Variants in PLOD3 observed in about 807,000 individuals in gnomAD.
PLOD3 encodes the protein multifunctional procollagen lysine hydroxylase and glycosyltransferase LH3.
In PLOD3, 73 loss-of-function variants were observed where a neutral mutation model predicts 96.9. That is an observed-to-expected ratio of 0.75 (90% confidence interval 0.62 to 0.92). PLOD3 has a LOEUF of 0.92. Ranked by LOEUF, PLOD3 falls within the 40% of genes least tolerant of loss-of-function variation. The pLI, the probability that PLOD3 is intolerant of heterozygous loss-of-function variation, is 0.00. For synonymous variants in PLOD3, 454 were observed against 413.7 expected (o/e 1.10, Z -1.18); for missense variants, 1,004 against 1,004.3 (o/e 1.00, Z 0.00).
In PLOD3 at chr7:101,217,522, G is replaced by A. The variant is rs1423352994; in HGVS notation, c.-248C>T. ...GCACGGGAGGCGGGGGAGGGGCGGCGGCTCGGGCCGGCGGGCGGGAGACAG... is the reference window on the plus strand; with the variant it reads ...GCACGGGAGGCGGGGGAGGGGCGGCAGCTCGGGCCGGCGGGCGGGAGACAG... On this transcript the variant is annotated 5_prime_UTR_variant, in exon 1 of 19. Transcript: ENST00000223127. 8.3e-6 allele frequency: 4 copies of A among 479,668 alleles called. No individual in the cohort carries two copies. Among genetic ancestry groups the A allele is most frequent in the East Asian group, 3.6e-5 (1 of 27,880 alleles). The allele number at this position is 479,668 out of a possible 1,614,324, so 29.7% of individuals were successfully genotyped here. A position where few individuals can be genotyped will look rare whatever the true frequency, so the allele number is the denominator to read the frequency against.
In PLOD3 at chr7:101,212,383, G is replaced by T. The variant is rs562549966; in HGVS notation, c.1006-9C>A. ...GGTTCATGGAAGACCTCCTGGGAGGGGAAGACATAGGGGGATGGGCTCAGA... is the reference window on the plus strand; with the variant it reads ...GGTTCATGGAAGACCTCCTGGGAGGTGAAGACATAGGGGGATGGGCTCAGA... On this transcript the variant is annotated splice_polypyrimidine_tract_variant and intron_variant, in intron 9 of 18. Coordinates refer to ENST00000223127, the MANE Select transcript of PLOD3 (RefSeq NM_001084.5). The T allele has an allele frequency of 1.2e-6, 2 of 1,613,264 alleles. No individual in the cohort carries two copies. Among genetic ancestry groups the T allele is most frequent in the African/African-American group, 2.7e-5 (2 of 75,006 alleles).
intron 18 of PLOD3, among the ~76,000 whole-genome samples, 157 bp downstream of exon 18, chr7:101,206,622 C>T (rs922033214): frequency 3.3e-5 from 5 of 152,108 alleles, no homozygotes; most frequent in African/African-American, 1.2e-4. Flanking sequence ...CAGGAGGAAG[C>T]AGAGGCCGCC....
Position 101,211,725 on chromosome 7 carries a change from AG to A in PLOD3, c.1233-10del. 6.2e-7 allele frequency: 1 copy of A among 1,601,428 alleles called. No individual in the cohort carries two copies. Among genetic ancestry groups the A allele is most frequent in the Non-Finnish European group, 8.5e-7 (1 of 1,174,986 alleles). On this transcript the variant is annotated splice_polypyrimidine_tract_variant and intron_variant, in intron 11 of 18. Transcript: ENST00000223127. ...TGGGGGCGATCACCTTCCTGCGGAC[AG>A]GTGGGGGTGAGGGCTGGGCAGACGG...
rs183293104 is a variant in PLOD3 at position 101,207,864 on chromosome 7, C to T, written c.1789-140G>A. 1,046 of 903,618 alleles carry T rather than the reference C, an allele frequency of 1.2e-3. 10 individuals carry two copies. The African/African-American group carries it at 0.014, about 12-fold the overall frequency. 56.0% of individuals were successfully genotyped at this position (903,618 alleles called of 1,614,324 possible). On this transcript the variant is annotated intron_variant, in intron 16 of 18. Coordinates refer to ENST00000223127, the MANE Select transcript of PLOD3 (RefSeq NM_001084.5). ...CAGAACAGTCTTCTTTGCTACTTCT[C>T]GGCCTGACTCACTGCTCCCGGCCCT...
Position 101,215,977 on chromosome 7 carries a change from C to G in PLOD3, c.546G>C (p.Gln182His), listed in dbSNP as rs760977710. 2 of 1,614,158 alleles carry G rather than the reference C, an allele frequency of 1.2e-6. No individual in the cohort carries two copies. The highest frequency in any genetic ancestry group is 1.1e-5 in the South Asian group (1 of 91,086). Residue 182 changes from glutamine to histidine, a missense_variant, in exon 5 of 19, where the codon CAG becomes CAC. This residue lies in a region of PLOD3 where 690 missense variants were observed against 650.2 expected (regional missense o/e 1.06). Coordinates refer to ENST00000223127, the MANE Select transcript of PLOD3 (RefSeq NM_001084.5). ...FATTIHQIVR[Q>H]WKYKDDDDDQ... Reference sequence around the variant, plus strand: ...CGTCGTCATCATCCTTGTACTTCCACTGGCGCACGATTTGGTGGATGGTGG... The same window carrying G: ...CGTCGTCATCATCCTTGTACTTCCAGTGGCGCACGATTTGGTGGATGGTGG...
intron 12 of PLOD3, chr7:101,211,037 T>G (rs1798173585): frequency 3.6e-6 from 1 of 279,166 alleles, no homozygotes; most frequent in African/African-American, 2.2e-5. Context: ...CCAGCCACCA[T>G]GCCCGGCTGA....
chr7:101,210,779 T>C, intron 12 of PLOD3, 106 bp from the exon 13 acceptor site: 2 of 1,275,132 alleles, frequency 1.6e-6, no homozygotes, highest in Non-Finnish European at 2.2e-6. Flanking sequence ...TCCCTGAACA[T>C]AAGGCCCCTG....
In PLOD3 at chr7:101,206,523, G is replaced by A. The variant is rs4729670; in HGVS notation, c.2062-87C>T. 0.28 allele frequency: 351,521 copies of A among 1,270,016 alleles called. 52,659 individuals are homozygous for A. Among genetic ancestry groups the A allele is most frequent in the African/African-American group, 0.56 (37,717 of 67,938 alleles). The allele number at this position is 1,270,016 out of a possible 1,614,324, so 78.7% of individuals were successfully genotyped here. On this transcript the variant is annotated intron_variant, in intron 18 of 18. Transcript: ENST00000223127. Reference sequence around the variant, plus strand: ...ATACACGGGGCAGGGCGGCCAGACCGGGGGGCACGGTGCAGCAGACCGGGG... The same window carrying A: ...ATACACGGGGCAGGGCGGCCAGACCAGGGGGCACGGTGCAGCAGACCGGGG...
In PLOD3 at chr7:101,213,182, A is replaced by T. The variant is rs766314490; in HGVS notation, c.702T>A (p.Asp234Glu). 27 of 1,613,378 alleles carry T rather than the reference A, an allele frequency of 1.7e-5. No homozygotes were observed. The highest frequency in any genetic ancestry group is 2.3e-5 in the Non-Finnish European group (27 of 1,179,490). ...CGTTCCGGATACGCACACGGTTCCG[A>T]TCAAACTTTAAAACCACTTCATCTG... Reference protein sequence around the residue: ...GALDEVVLKFDRNRVRIRNVA... With the variant: ...GALDEVVLKFERNRVRIRNVA... The change falls in exon 7 of 19, where the codon GAT becomes GAA. Residue 234 changes from aspartate to glutamate, a missense_variant. Asp to Glu is a conservative substitution (Grantham distance 45, BLOSUM62 2). This residue lies in a region of PLOD3 where 690 missense variants were observed against 650.2 expected (regional missense o/e 1.06). Coordinates refer to ENST00000223127, the MANE Select transcript of PLOD3 (RefSeq NM_001084.5).
Position 101,210,636 on chromosome 7 carries a change from C to T in PLOD3, c.1396G>A (p.Val466Met). Residue 466 changes from valine to methionine, a missense_variant, in exon 13 of 19, where the codon GTG becomes ATG. Physicochemically the swap from Val to Met is conservative, Grantham distance 21. Transcript: ENST00000223127. ...ATCCGCAGGGTATCACCCCGGATCACATAGGCCTGGGAGATGTATGGTACA... is the reference window on the plus strand; with the variant it reads ...ATCCGCAGGGTATCACCCCGGATCATATAGGCCTGGGAGATGTATGGTACA... ...WNVPYISQAY[V>M]IRGDTLRMEL... The T allele has an allele frequency of 1.2e-6, 2 of 1,614,194 alleles. No homozygotes were observed. Among genetic ancestry groups the T allele is most frequent in the South Asian group, 2.2e-5 (2 of 91,086 alleles).
In PLOD3 at chr7:101,206,314, T is replaced by C. The variant is rs1285390551; in HGVS notation, c.2184A>G (p.Thr728=). Residue 728 remains threonine (T), a synonymous_variant, in exon 19 of 19, where the codon ACA becomes ACG. Transcript: ENST00000223127. ...YHEGLPTTWG[T]RYIMVSFVDP ...CGACAAAGGACACCATGATGTAGCG[T>C]GTGCCCCAGGTCGTTGGCAGCCCCT... 25 of 1,613,930 alleles carry C rather than the reference T, an allele frequency of 1.5e-5. No individual in the cohort carries two copies. The highest frequency in any genetic ancestry group is 2.1e-5 in the Non-Finnish European group (25 of 1,179,936).
Position 101,206,090 on chromosome 7 carries a change from G to A in PLOD3, c.*191C>T, listed in dbSNP as rs541222931. The A allele has an allele frequency of 1.5e-6, 1 of 678,624 alleles. No homozygotes were observed. The highest frequency in any genetic ancestry group is 2.2e-5 in the Admixed American group (1 of 46,456). 42.0% of individuals were successfully genotyped at this position (678,624 alleles called of 1,614,324 possible). A position where few individuals can be genotyped will look rare whatever the true frequency, so the allele number is the denominator to read the frequency against. ...CACGAACCCCTGTGGGCGGAGGAGAGAGGCGGGGACTCCGGGAGCTTCCTG... is the reference window on the plus strand; with the variant it reads ...CACGAACCCCTGTGGGCGGAGGAGAAAGGCGGGGACTCCGGGAGCTTCCTG... On this transcript the variant is annotated 3_prime_UTR_variant, in exon 19 of 19. Transcript: ENST00000223127.
chr7:101,206,926 G>T (rs776246907), intron 17 of PLOD3, 22 bp from the exon 18 acceptor site: 31 of 1,553,508 alleles, frequency 2.0e-5, no homozygotes, highest in Non-Finnish European at 2.7e-5. Flanking sequence ...GAGGGAAGAG[G>T]CTGCAGGGAC....
In PLOD3 at chr7:101,208,839, G is replaced by A. The variant is rs561097214; in HGVS notation, c.1788+14C>T. Reference sequence around the variant, plus strand: ...CTCTGGGAAGGCCTCTGCCCTCCTCGCCCAGGCCCTTACCTCATGCCGGCC... The same window carrying A: ...CTCTGGGAAGGCCTCTGCCCTCCTCACCCAGGCCCTTACCTCATGCCGGCC... On this transcript the variant is annotated intron_variant, in intron 16 of 18. Coordinates refer to ENST00000223127, the MANE Select transcript of PLOD3 (RefSeq NM_001084.5). The A allele has an allele frequency of 6.4e-6, 10 of 1,559,844 alleles. No individual in the cohort carries two copies. The highest frequency in any genetic ancestry group is 4.5e-5 in the East Asian group (2 of 44,592).
At position 101,211,707 on chromosome 7, in the gene PLOD3, G is replaced by A. The variant is rs773283750; in HGVS notation, c.1242C>T (p.Ile414=). 8.1e-6 allele frequency: 13 copies of A among 1,603,216 alleles called. No individual in the cohort carries two copies. Among genetic ancestry groups the A allele is most frequent in the Non-Finnish European group, 1.0e-5 (12 of 1,175,862 alleles). Residue 414 remains isoleucine (I), a synonymous_variant, in exon 12 of 19, where the codon ATC becomes ATT. Coordinates refer to ENST00000223127, the MANE Select transcript of PLOD3 (RefSeq NM_001084.5). The part of the protein sequence containing the change: ...RILIEENRKV[I]APMLSRHGKL... ...TGCCGTGGCGGGACAGCATGGGGGC[G>A]ATCACCTTCCTGCGGACAGGTGGGG... is the stretch of plus-strand genomic sequence containing the variant.
At chr7:101,212,786 T>C (rs1316194378) in intron 8 of PLOD3, 56 bp downstream of exon 8, 4 of 1,558,536 alleles carry the variant, frequency 2.6e-6, no homozygotes, top group African/African-American at 1.4e-5. Flanking sequence ...GCTGTCCTTG[T>C]ACCTCCTGCT....
chr7:101,216,671 C>T (rs1798281281), intron 2 of PLOD3, 24 bp downstream of exon 2: 1 of 1,610,242 alleles, frequency 6.2e-7, no homozygotes, highest in Non-Finnish European at 8.5e-7. Flanking sequence ...GGACCCCCTC[C>T]CAGGGGCCTT....
rs371434368 is a variant in PLOD3, at chr7:101,213,100, G to C, written c.777+7C>G. 1 of 1,597,192 alleles carries C rather than the reference G, an allele frequency of 6.3e-7. No individual in the cohort carries two copies. Among genetic ancestry groups the C allele is most frequent in the Non-Finnish European group, 8.6e-7 (1 of 1,165,114 alleles). The stretch of plus-strand genomic sequence containing the variant: ...GGCGGGGCGGGGGTTGAGACCACTG[G>C]TGGCACCTTAGTGGGACCGTTTCCA... On this transcript the variant is annotated splice_region_variant and intron_variant, in intron 7 of 18. Coordinates refer to ENST00000223127, the MANE Select transcript of PLOD3 (RefSeq NM_001084.5).
In PLOD3 at chr7:101,210,586, G is replaced by C; in HGVS notation, c.1446C>G (p.Phe482Leu). The C allele has an allele frequency of 2.5e-6, 4 of 1,614,208 alleles. No homozygotes were observed. Among genetic ancestry groups the C allele is most frequent in the Non-Finnish European group, 3.4e-6 (4 of 1,180,020 alleles). ...TGTCCGGGTCTGTGTCACTGCCCGA[G>C]AACACATCCCTCTGGGGCAGCTCCA... is the stretch of plus-strand genomic sequence containing the variant. ...LRMELPQRDV[F>L]SGSDTDPDMA... The change falls in exon 13 of 19, where the codon TTC becomes TTG. Residue 482 changes from phenylalanine (F) to leucine (L), a missense_variant. Coordinates refer to ENST00000223127, the MANE Select transcript of PLOD3 (RefSeq NM_001084.5).
Sources: allele counts gnomAD v4.1 joint callset (sites outside exome capture counted in the v4.1 genomes callset), GRCh38; gene constraint gnomAD v4.1.1; regional missense constraint gnomAD v4.1.1; transcripts MANE v1.5; gene names NCBI Gene and HGNC (gene_info 2026-07-23, HGNC 2026-07-21).